Variants in DLGAP5 observed in about 807,000 individuals in gnomAD.
The protein encoded by DLGAP5 is disks large-associated protein 5.
A neutral mutation model predicts 99.6 loss-of-function variants in DLGAP5; 90 were observed. The ratio of observed to expected loss-of-function variants is 0.90; its 90% confidence interval spans 0.76 to 1.08. The LOEUF (loss-of-function observed/expected upper bound fraction) is 1.08, where lower values mean the gene tolerates loss of function less well. Ranked by LOEUF, DLGAP5 falls within the 50% of genes least tolerant of loss-of-function variation. The pLI is 0.00. For missense variants in DLGAP5, 1,036 were observed against 983.5 expected (o/e 1.05, Z -0.71); for synonymous variants, 311 against 321.3 (o/e 0.97, Z 0.34).
intron 1 of DLGAP5, among the ~76,000 whole-genome samples, chr14:55,190,312 A>G (rs1472275845): frequency 4.6e-5 from 7 of 151,942 alleles, no homozygotes; most frequent in Non-Finnish European, 7.4e-5. Flanking sequence ...ACACACACAC[A>G]CACGCACAAA....
At chr14:55,163,291 A>G (rs895359222) in intron 12 of DLGAP5, among the ~76,000 whole-genome samples, 4 of 152,242 alleles carry the variant, frequency 2.6e-5, no homozygotes, top group Non-Finnish European at 1.5e-5. Flanking sequence ...TACATAAAGA[A>G]TATCATACAT....
At chr14:55,152,004 G>C (rs1321538789) in intron 16 of DLGAP5, 63 bp from the exon 17 acceptor site, 17 of 1,509,206 alleles carry the variant, frequency 1.1e-5, no homozygotes, top group Non-Finnish European at 1.4e-5. Context: ...AATTTTAAAA[G>C]TCTTGTTGCT....
At chr14:55,152,531 T>C (rs1882053923) in intron 16 of DLGAP5, 59 bp downstream of exon 16, 2 of 1,318,232 alleles carry the variant, frequency 1.5e-6, no homozygotes, top group Non-Finnish European at 1.0e-6. Flanking sequence ...AGTTACTTTC[T>C]ATAATGATAT....
Position 55,148,388 on chromosome 14 carries a change from A to C in DLGAP5, c.2504T>G (p.Leu835Arg), listed in dbSNP as rs1402198332. Residue 835 changes from leucine to arginine, a missense_variant, in exon 19 of 19, where the codon CTG becomes CGG. Coordinates refer to ENST00000247191, the MANE Select transcript of DLGAP5 (RefSeq NM_014750.5). Reference sequence around the variant, plus strand: ...TGGTTGTAGAGGTGAAAAAGTAATCAGGTTACCACCAAAAGAAATGTGTCT... The same window carrying C: ...TGGTTGTAGAGGTGAAAAAGTAATCCGGTTACCACCAAAAGAAATGTGTCT... ...HARHISFGGN[L>R]ITFSPLQPGE... 2 of 1,614,130 alleles carry C rather than the reference A, an allele frequency of 1.2e-6. No individual in the cohort carries two copies. Among genetic ancestry groups the C allele is most frequent in the Non-Finnish European group, 1.7e-6 (2 of 1,179,992 alleles).
intron 10 of DLGAP5, among the ~76,000 whole-genome samples, chr14:55,171,316 T>C (rs575187543): frequency 6.6e-6 from 1 of 152,300 alleles, no homozygotes; most frequent in South Asian, 2.1e-4. Flanking sequence ...ATATTTTTGA[T>C]TGTCATGACT....
intron 15 of DLGAP5, 68 bp from the exon 16 acceptor site, chr14:55,152,715 C>T: frequency 7.4e-7 from 1 of 1,352,142 alleles, no homozygotes; most frequent in Non-Finnish European, 9.9e-7. Flanking sequence ...TATTTTGAGT[C>T]TTTCCTTTAA....
intron 14 of DLGAP5, 22 bp downstream of exon 14, chr14:55,158,496 AAAAT>A: frequency 1.3e-6 from 2 of 1,596,700 alleles, no homozygotes; most frequent in South Asian, 2.3e-5. Context: ...AAAAACAAAA[AAAAT>A]AAAAAATCAA....
At position 55,181,307 on chromosome 14, in the gene DLGAP5, A is replaced by G; in HGVS notation, c.496-10T>C. ...CACTCTCGTTATCAATCTATTTAAG[A>G]GATTAGGTGCTATGTGATTTAATTG... On this transcript the variant is annotated splice_polypyrimidine_tract_variant and intron_variant, in intron 4 of 18. Coordinates refer to ENST00000247191, the MANE Select transcript of DLGAP5 (RefSeq NM_014750.5). 1 of 1,610,604 alleles carries G rather than the reference A, an allele frequency of 6.2e-7. No individual in the cohort carries two copies. Among genetic ancestry groups the G allele is most frequent in the Non-Finnish European group, 8.5e-7 (1 of 1,177,298 alleles).
intron 15 of DLGAP5, 57 bp from the exon 16 acceptor site, chr14:55,152,704 G>A (rs1882061786): frequency 7.1e-7 from 1 of 1,404,318 alleles, no homozygotes; most frequent in Non-Finnish European, 9.5e-7. Flanking sequence ...TGTTTCACTT[G>A]TATTTTGAGT....
At chr14:55,171,317 T>C (rs1261011084) in intron 10 of DLGAP5, among the ~76,000 whole-genome samples, 3 of 152,176 alleles carry the variant, frequency 2.0e-5, no homozygotes, top group African/African-American at 7.2e-5. Context: ...TATTTTTGAT[T>C]GTCATGACTG....
At position 55,183,657 on chromosome 14, in the gene DLGAP5, T is replaced by C. The variant is rs1883342987; in HGVS notation, c.335A>G (p.Lys112Arg). Residue 112 changes from lysine (K) to arginine (R), a missense_variant, in exon 3 of 19, where the codon AAA (lysine) becomes AGA (arginine). Lys to Arg is a conservative substitution (Grantham distance 26). Transcript: ENST00000247191. The stretch of plus-strand genomic sequence containing the variant: ...CACTTTAAATATTCCTCGTTTAGCT[T>C]TCTCTCTCTGCTCTTTCAATTTTTG... The part of the protein sequence containing the change: ...QLQKLKEQRE[K>R]AKRGIFKVGR... 1.9e-6 allele frequency: 3 copies of C among 1,612,450 alleles called. No homozygotes were observed. The highest frequency in any genetic ancestry group is 2.5e-6 in the Non-Finnish European group (3 of 1,179,660).
At chr14:55,153,080 T>C (rs1882073283) in intron 15 of DLGAP5, among the ~76,000 whole-genome samples, 1 of 152,204 alleles carries the variant, frequency 6.6e-6, no homozygotes, top group Non-Finnish European at 1.5e-5. Context: ...ACTTCAATCA[T>C]ACTATTTCTA....
chr14:55,153,873 T>C (rs1882109102), intron 15 of DLGAP5, among the ~76,000 whole-genome samples: 2 of 152,002 alleles, frequency 1.3e-5, no homozygotes, highest in Admixed American at 6.6e-5. Flanking sequence ...CTGGCCAACA[T>C]AGTGAAACCC....
chr14:55,166,122 A>C (rs1218398656), intron 12 of DLGAP5, among the ~76,000 whole-genome samples: 1 of 152,242 alleles, frequency 6.6e-6, no homozygotes, highest in Non-Finnish European at 1.5e-5. Flanking sequence ...GGTTATTCAT[A>C]ATCACCAAAA....
chr14:55,183,476 A>C (rs1883336242), intron 3 of DLGAP5, 84 bp downstream of exon 3: 2 of 1,170,830 alleles, frequency 1.7e-6, no homozygotes, highest in Non-Finnish European at 2.3e-6. Context: ...AATGAGACTA[A>C]GGGAAAGGGG....
chr14:55,188,582 G>C (rs1883499985), intron 2 of DLGAP5, among the ~76,000 whole-genome samples: 1 of 151,940 alleles, frequency 6.6e-6, no homozygotes, highest in Non-Finnish European at 1.5e-5. Context: ...ACAGGTAAAG[G>C]CTTTTGCCTT....
At chr14:55,190,739 A>G (rs1046080387) in intron 1 of DLGAP5, among the ~76,000 whole-genome samples, 2 of 152,220 alleles carry the variant, frequency 1.3e-5, no homozygotes, top group African/African-American at 2.4e-5. Flanking sequence ...CTGCATGCTA[A>G]TAACATTCTC....
At chr14:55,189,690 A>C (rs1308899222) in intron 1 of DLGAP5, among the ~76,000 whole-genome samples, 1 of 152,216 alleles carries the variant, frequency 6.6e-6, no homozygotes, top group African/African-American at 2.4e-5. Flanking sequence ...CACAGGGCAA[A>C]GTATGTGGAA....
chr14:55,150,873 T>C lies in DLGAP5; in HGVS notation c.2369-25A>G, dbSNP rs765470580. On this transcript the variant is annotated intron_variant, in intron 17 of 18. Coordinates refer to ENST00000247191, the MANE Select transcript of DLGAP5 (RefSeq NM_014750.5). Reference sequence around the variant, plus strand: ...TCTGAAAAACAACAAAAAAAAACTTTTTAAAGAATATTCTCACATTCGAGG... The same window carrying C: ...TCTGAAAAACAACAAAAAAAAACTTCTTAAAGAATATTCTCACATTCGAGG... 2.0e-6 allele frequency: 3 copies of C among 1,500,704 alleles called. No homozygotes were observed. The South Asian group carries it at 3.7e-5, about 19-fold the overall frequency. The allele number at this position is 1,500,704 out of a possible 1,614,324, so 93.0% of individuals were successfully genotyped here.
Sources: gnomAD v4.1 joint callset for allele counts (sites outside exome capture counted in the v4.1 genomes callset) on GRCh38, gnomAD v4.1.1 for gene constraint, MANE v1.5 for transcripts, NCBI Gene and HGNC (gene_info 2026-07-23, HGNC 2026-07-21) for gene names.